The following SYNCRIP variants were observed in gnomAD, a reference collection of about 807,000 sequenced individuals.
SYNCRIP encodes the protein heterogeneous nuclear ribonucleoprotein Q.
SYNCRIP carries 9 observed loss-of-function variants against 68.9 expected under a neutral mutation model. That is an observed-to-expected ratio of 0.13 (90% CI 0.08 to 0.23). SYNCRIP has a LOEUF of 0.23. Ranked by LOEUF, SYNCRIP falls within the 10% of genes least tolerant of loss-of-function variation. SYNCRIP has a pLI of 1.00. For missense variants in SYNCRIP, 414 were observed against 770.6 expected, an observed-to-expected ratio of 0.54 and a Z score of 5.48; for synonymous variants, 258 against 254.0, an observed-to-expected ratio of 1.02 and a Z score of -0.15.
At chr6:85,634,580 T>TA (rs1562105559) in intron 6 of SYNCRIP, among the ~76,000 whole-genome samples, 2 of 132,810 alleles carry the variant, frequency 1.5e-5, no homozygotes, top group African/African-American at 5.1e-5. Context: ...ACTGGTGTGT[T>TA]GTTTTTTTTT....
chr6:85,619,604 G>A (rs1231871056), intron 8 of SYNCRIP, among the ~76,000 whole-genome samples, 187 bp from the exon 9 acceptor site: 1 of 151,888 alleles, frequency 6.6e-6, no homozygotes, highest in African/African-American at 2.4e-5. Flanking sequence ...CATGTTGAAA[G>A]ACCTGAAATA....
chr6:85,631,437 C>G (rs1232592713), intron 6 of SYNCRIP, among the ~76,000 whole-genome samples: 1 of 150,960 alleles, frequency 6.6e-6, no homozygotes, highest in African/African-American at 2.4e-5. Flanking sequence ...AGGAACTTGT[C>G]TGGATAGGGC....
chr6:85,628,238 T>C (rs1378171501), intron 6 of SYNCRIP, among the ~76,000 whole-genome samples: 2 of 152,108 alleles, frequency 1.3e-5, no homozygotes, highest in East Asian at 3.9e-4. Context: ...GTATTTTTAG[T>C]AGAGACAGGG....
At chr6:85,633,989 G>T (rs1274865674) in intron 6 of SYNCRIP, among the ~76,000 whole-genome samples, 1 of 152,096 alleles carries the variant, frequency 6.6e-6, no homozygotes, top group Admixed American at 6.5e-5. Context: ...AAATAATTAT[G>T]CCCCCAGAAA....
At chr6:85,639,780 C>G (rs1321574996) in intron 4 of SYNCRIP, among the ~76,000 whole-genome samples, 1 of 152,116 alleles carries the variant, frequency 6.6e-6, no homozygotes, top group Non-Finnish European at 1.5e-5. Flanking sequence ...ATTGTCAAAG[C>G]TGCTTTGAGA....
At chr6:85,623,570 A>AAAAAAAAAAAAAAAAAAAAAC in intron 7 of SYNCRIP, among the ~76,000 whole-genome samples, 1 of 150,636 alleles carries the variant, frequency 6.6e-6, no homozygotes, top group African/African-American at 2.4e-5. Context: ...TCCAAAAAAA[A>AAAAAAAAAAAAAAAAAAAAAC]AAAAAAAAAA....
chr6:85,619,183 C>T (rs1406825123), intron 9 of SYNCRIP, 85 bp downstream of exon 9: 2 of 1,556,448 alleles, frequency 1.3e-6, no homozygotes, highest in African/African-American at 2.8e-5. Flanking sequence ...CCAAAGTCTC[C>T]TCCAATTTGT....
chr6:85,616,855 G>A (rs534922908), intron 10 of SYNCRIP, among the ~76,000 whole-genome samples: 6 of 152,154 alleles, frequency 3.9e-5, no homozygotes, highest in South Asian at 2.1e-4. Flanking sequence ...CATTTTAGAC[G>A]GTCATAACTG....
intron 7 of SYNCRIP, among the ~76,000 whole-genome samples, chr6:85,623,034 G>T (rs1210390521): frequency 6.6e-6 from 1 of 152,034 alleles, no homozygotes; most frequent in African/African-American, 2.4e-5. Flanking sequence ...TTCTTATTAT[G>T]CAAACACTAA....
intron 1 of SYNCRIP, among the ~76,000 whole-genome samples, chr6:85,641,835 G>A (rs1365899087): frequency 6.6e-6 from 1 of 152,114 alleles, no homozygotes; most frequent in Non-Finnish European, 1.5e-5. Flanking sequence ...CCCAAAGTGC[G>A]CGCTTTTCCC....
At chr6:85,640,009 T>C (rs1334100328) in intron 4 of SYNCRIP, among the ~76,000 whole-genome samples, 1 of 152,140 alleles carries the variant, frequency 6.6e-6, no homozygotes, top group Non-Finnish European at 1.5e-5. Context: ...ATAGAACAGA[T>C]TTAAACATCA....
chr6:85,625,871 G>GT (rs1806976148), intron 6 of SYNCRIP, among the ~76,000 whole-genome samples: 1 of 152,174 alleles, frequency 6.6e-6, no homozygotes, highest in Non-Finnish European at 1.5e-5. Flanking sequence ...CTCAACAGGA[G>GT]TGATTTTGCC....
chr6:85,630,423 T>C (rs1807606592), intron 6 of SYNCRIP, among the ~76,000 whole-genome samples: 1 of 152,228 alleles, frequency 6.6e-6, no homozygotes, highest in Admixed American at 6.5e-5. Flanking sequence ...ATTCCAATGC[T>C]TGTACATAGA....
chr6:85,643,548 C>T (rs1222602606), upstream of SYNCRIP, among the ~76,000 whole-genome samples: 3 of 151,538 alleles, frequency 2.0e-5, no homozygotes, highest in East Asian at 3.9e-4. Context: ...CGGGGCGGGC[C>T]GGCTCAGCGT....
intron 6 of SYNCRIP, among the ~76,000 whole-genome samples, chr6:85,631,642 C>A (rs1177770578): frequency 1.3e-5 from 2 of 152,200 alleles, no homozygotes; most frequent in Admixed American, 1.3e-4. Flanking sequence ...ATTTTGGCAA[C>A]AGATAGGACC....
chr6:85,622,458 T>C (rs113445819), intron 8 of SYNCRIP, 24 bp downstream of exon 8: 2 of 1,568,590 alleles, frequency 1.3e-6, no homozygotes. Flanking sequence ...CCTCAAAAAA[T>C]ATTTTTAACT....
At chr6:85,628,326 G>T (rs975688637) in intron 6 of SYNCRIP, among the ~76,000 whole-genome samples, 1 of 152,186 alleles carries the variant, frequency 6.6e-6, no homozygotes, top group Non-Finnish European at 1.5e-5. Flanking sequence ...AAAATGCTGG[G>T]ATCACAGGCA....
Position 85,619,340 on chromosome 6 carries a change from C to T in SYNCRIP, c.1086G>A (p.Gly362=). 3 of 1,614,008 alleles carry T rather than the reference C, an allele frequency of 1.9e-6. No individual in the cohort carries two copies. Among genetic ancestry groups the T allele is most frequent in the Non-Finnish European group, 2.5e-6 (3 of 1,179,988 alleles). ...TTAACTTCTTCACTCGTTCCAGTTT[C>T]CCAAACTGACTAAATGCCTTTTCTA... ...EILEKAFSQF[G]KLERVKKLKD... Residue 362 remains glycine, a synonymous_variant, in exon 9 of 11, where the codon GGG becomes GGA. Coordinates refer to ENST00000369622, the MANE Select transcript of SYNCRIP (RefSeq NM_006372.5).
chr6:85,632,419 AAC>A, intron 6 of SYNCRIP, among the ~76,000 whole-genome samples: 1 of 152,370 alleles, frequency 6.6e-6, no homozygotes, highest in Admixed American at 6.5e-5. Flanking sequence ...CTCAAAATGT[AAC>A]ACAGTAGAGA....
Sources: gnomAD v4.1 joint callset for allele counts (sites outside exome capture counted in the v4.1 genomes callset) on GRCh38, gnomAD v4.1.1 for gene constraint, MANE v1.5 for transcripts, NCBI Gene and HGNC (gene_info 2026-07-23, HGNC 2026-07-21) for gene names.